IL19: variants seen among roughly 807,000 people sequenced by gnomAD.
IL19 encodes the protein interleukin-19.
A neutral mutation model predicts 19.5 loss-of-function variants in IL19; 15 were observed. The ratio of observed to expected loss-of-function variants is 0.77; its 90% CI spans 0.52 to 1.19. The LOEUF (loss-of-function observed/expected upper bound fraction) is 1.19, where lower values mean the gene tolerates loss of function less well. Ranked by LOEUF, IL19 falls within the 50% of genes most tolerant of loss-of-function variation. The pLI is 0.00. For synonymous variants in IL19, 78 were observed against 78.3 expected, an observed-to-expected ratio of 1.00 and a Z score of 0.02; for missense variants, 199 against 213.1, an observed-to-expected ratio of 0.93 and a Z score of 0.41.
chr1:206,802,466 A>G (rs540929087), intron 2 of IL19, among the ~76,000 whole-genome samples: 3 of 152,164 alleles, frequency 2.0e-5, no homozygotes, highest in Admixed American at 1.3e-4. Flanking sequence ...GATTACCCCT[A>G]TTTTACAGAT....
Position 206,836,652 on chromosome 1 carries a change from T to C in IL19, c.-2-9T>C. Reference sequence around the variant, plus strand: ...TGGCTGGACAGCTGACTTCCTCTCCTTTCTGCAGGCATGAAGTTACAGTGT... The same window carrying C: ...TGGCTGGACAGCTGACTTCCTCTCCCTTCTGCAGGCATGAAGTTACAGTGT... On this transcript the variant is annotated splice_polypyrimidine_tract_variant and intron_variant, in intron 2 of 6. Coordinates refer to ENST00000659997, the MANE Select transcript of IL19 (RefSeq NM_153758.5). 1 of 1,593,776 alleles carries C rather than the reference T, an allele frequency of 6.3e-7. No homozygotes were observed. Among genetic ancestry groups the C allele is most frequent in the Non-Finnish European group, 8.5e-7 (1 of 1,170,306 alleles).
chr1:206,838,313 AG>A (rs1676867774), intron 4 of IL19, among the ~76,000 whole-genome samples: 1 of 152,234 alleles, frequency 6.6e-6, no homozygotes, highest in Admixed American at 6.5e-5. Context: ...AGACAGATCC[AG>A]TTTTGGGAGG....
At chr1:206,842,443 T>A (rs1440903986) in intron 6 of IL19, 84 bp from the exon 7 acceptor site, 2 of 787,306 alleles carry the variant, frequency 2.5e-6, no homozygotes, top group African/African-American at 3.5e-5. Context: ...CAAAACCTTG[T>A]GGGAACCAGC....
At chr1:206,772,395 G>T (rs1341992326) in intron 1 of IL19, 2 of 1,614,148 alleles carry the variant, frequency 1.2e-6, no homozygotes, top group Non-Finnish European at 8.5e-7. Flanking sequence ...CCTCACCCCA[G>T]TCAGGAGGAC....
chr1:206,832,563 A>G (rs1676643810), intron 2 of IL19, among the ~76,000 whole-genome samples: 1 of 152,194 alleles, frequency 6.6e-6, no homozygotes, highest in Non-Finnish European at 1.5e-5. Context: ...CTGATTAATC[A>G]TTATTATGAA....
At chr1:206,799,055 G>T in intron 2 of IL19, 49 bp downstream of exon 2, 3 of 1,226,000 alleles carry the variant, frequency 2.4e-6, no homozygotes, top group South Asian at 1.2e-5. Context: ...CATTCTCTGG[G>T]ACCAGAGATA....
At chr1:206,819,778 C>T (rs964057655) in intron 2 of IL19, among the ~76,000 whole-genome samples, 2 of 152,184 alleles carry the variant, frequency 1.3e-5, no homozygotes, top group Admixed American at 6.5e-5. Flanking sequence ...TTAGATCTTT[C>T]ACTGGCCGCT....
chr1:206,822,927 T>C (rs1488069013), intron 2 of IL19, among the ~76,000 whole-genome samples: 1 of 151,948 alleles, frequency 6.6e-6, no homozygotes, highest in Admixed American at 6.6e-5. Flanking sequence ...TCCTTTCTTT[T>C]TCTTTCTTTT....
chr1:206,827,959 G>C (rs1255922470), intron 2 of IL19, among the ~76,000 whole-genome samples: 1 of 152,210 alleles, frequency 6.6e-6, no homozygotes, highest in East Asian at 1.9e-4. Context: ...TCATGGAATA[G>C]GTGTGAAGAT....
chr1:206,773,899 G>A (rs953252583), intron 1 of IL19, among the ~76,000 whole-genome samples: 1 of 152,158 alleles, frequency 6.6e-6, no homozygotes, highest in Non-Finnish European at 1.5e-5. Context: ...CATCCTCCCT[G>A]TGTCTGTTTT....
chr1:206,835,102 A>C (rs897939550), intron 2 of IL19, among the ~76,000 whole-genome samples: 33 of 152,190 alleles, frequency 2.2e-4, no homozygotes, highest in African/African-American at 7.7e-4. Flanking sequence ...TTGCCTCACC[A>C]AGCTAAGGGA....
chr1:206,825,125 A>G (rs1343881032), intron 2 of IL19, among the ~76,000 whole-genome samples: 1 of 152,230 alleles, frequency 6.6e-6, no homozygotes, highest in African/African-American at 2.4e-5. Context: ...TCAGAAAGAC[A>G]TCAGAAGGAA....
intron 2 of IL19, among the ~76,000 whole-genome samples, chr1:206,811,918 A>G (rs1676023601): frequency 6.6e-6 from 1 of 152,210 alleles, no homozygotes; most frequent in Admixed American, 6.5e-5. Context: ...GGCAGCTGTG[A>G]CTACAAAATA....
At chr1:206,781,414 C>CAAAAAAAAA (rs57060549) in intron 1 of IL19, among the ~76,000 whole-genome samples, 174 of 42,986 alleles carry the variant, frequency 4.0e-3, no homozygotes, top group African/African-American at 6.2e-3. Context: ...GACTCTGTCT[C>CAAAAAAAAA]AAAAAAAAAA....
chr1:206,840,712 C>T (rs912742594), intron 5 of IL19: 1 of 377,494 alleles, frequency 2.6e-6, no homozygotes, highest in Non-Finnish European at 4.8e-6. Flanking sequence ...TGTTGAGTGC[C>T]TACCCTGTGG....
At chr1:206,823,871 T>A (rs574318444) in intron 2 of IL19, among the ~76,000 whole-genome samples, 2 of 152,302 alleles carry the variant, frequency 1.3e-5, no homozygotes, top group South Asian at 4.1e-4. Context: ...TTTCACAGGA[T>A]GTTCCTGCCA....
At chr1:206,773,025 C>G (rs907588872) in intron 1 of IL19, among the ~76,000 whole-genome samples, 5 of 152,134 alleles carry the variant, frequency 3.3e-5, no homozygotes, top group Non-Finnish European at 5.9e-5. Flanking sequence ...CCCAAGCAGC[C>G]CTTCCATTTT....
At chr1:206,797,134 A>T (rs1675544095) in intron 1 of IL19, among the ~76,000 whole-genome samples, 1 of 152,132 alleles carries the variant, frequency 6.6e-6, no homozygotes, top group South Asian at 2.1e-4. Context: ...GCGGGACAGG[A>T]TGTGAACATC....
intron 2 of IL19, among the ~76,000 whole-genome samples, chr1:206,836,244 T>C (rs1676789780): frequency 1.3e-5 from 2 of 152,238 alleles, no homozygotes; most frequent in South Asian, 4.1e-4. Flanking sequence ...TGTGTTTTTA[T>C]GGTTTTTCAC....
Sources: gnomAD v4.1 joint callset for allele counts (sites outside exome capture counted in the v4.1 genomes callset) on GRCh38, gnomAD v4.1.1 for gene constraint, MANE v1.5 for transcripts, NCBI Gene and HGNC (gene_info 2026-07-23, HGNC 2026-07-21) for gene names.